The following NKAIN2 variants were observed in gnomAD, a reference collection of about 807,000 sequenced individuals.
NKAIN2 encodes the protein sodium/potassium-transporting ATPase subunit beta-1-interacting protein 2.
NKAIN2 carries 14 observed loss-of-function variants against 32.6 expected under a neutral mutation model. The ratio of observed to expected loss-of-function variants is 0.43; its 90% CI spans 0.28 to 0.67. NKAIN2 has a LOEUF of 0.67. NKAIN2 is among the 30% of genes least tolerant of loss of function. The pLI, the probability that NKAIN2 is intolerant of heterozygous loss-of-function variation, is 0.17. For synonymous variants in NKAIN2, 80 were observed against 87.2 expected, an observed-to-expected ratio of 0.92 and a Z score of 0.46; for missense variants, 198 against 258.3, an observed-to-expected ratio of 0.77 and a Z score of 1.60.
chr6:124,405,032 T>C (rs548285854), intron 3 of NKAIN2, among the ~76,000 whole-genome samples: 4 of 152,280 alleles, frequency 2.6e-5, no homozygotes, highest in African/African-American at 9.6e-5. Context: ...GCTGAGTGAA[T>C]GAATGCCGTG....
At chr6:124,700,778 T>A (rs1163686051) in intron 4 of NKAIN2, among the ~76,000 whole-genome samples, 1 of 151,800 alleles carries the variant, frequency 6.6e-6, no homozygotes, top group Non-Finnish European at 1.5e-5. Flanking sequence ...AGAAGCTCAT[T>A]TTCCAACCTC....
At chr6:124,563,883 T>G (rs565523601) in intron 3 of NKAIN2, among the ~76,000 whole-genome samples, 1 of 151,162 alleles carries the variant, frequency 6.6e-6, no homozygotes, top group East Asian at 1.9e-4. Context: ...GGACAGGGTG[T>G]ATCATCACAT....
At chr6:123,856,097 C>T (rs1454215257) in intron 1 of NKAIN2, among the ~76,000 whole-genome samples, 1 of 152,114 alleles carries the variant, frequency 6.6e-6, no homozygotes, top group Non-Finnish European at 1.5e-5. Context: ...CTTACTTTTT[C>T]ACTTATCATA....
At chr6:124,529,296 C>G (rs987134490) in intron 3 of NKAIN2, among the ~76,000 whole-genome samples, 2 of 152,070 alleles carry the variant, frequency 1.3e-5, no homozygotes, top group Non-Finnish European at 2.9e-5. Context: ...CGGGGCCCAC[C>G]CTGATGTAGG....
chr6:124,784,989 C>T (rs920597546), intron 4 of NKAIN2, among the ~76,000 whole-genome samples: 17 of 151,976 alleles, frequency 1.1e-4, no homozygotes, highest in Admixed American at 2.0e-4. Flanking sequence ...GCCAAATTTC[C>T]GAAGTTTTCA....
intron 1 of NKAIN2, among the ~76,000 whole-genome samples, chr6:123,995,400 T>C (rs946369182): frequency 1.7e-4 from 26 of 152,096 alleles, no homozygotes; most frequent in Admixed American, 1.2e-3. Context: ...ATGCTTTAAG[T>C]AAAAGTAGGA....
chr6:124,588,695 T>C (rs17052100), intron 3 of NKAIN2, among the ~76,000 whole-genome samples: 2,385 of 152,222 alleles, frequency 0.016, 67 homozygotes, highest in African/African-American at 0.053. Flanking sequence ...GTGCTACCAA[T>C]TGGGGATTGT....
chr6:124,043,762 A>G (rs1454079263), intron 1 of NKAIN2, among the ~76,000 whole-genome samples: 3 of 152,054 alleles, frequency 2.0e-5, no homozygotes, highest in Non-Finnish European at 4.4e-5. Flanking sequence ...TCTCAAATCT[A>G]TTTTGAACAT....
intron 3 of NKAIN2, among the ~76,000 whole-genome samples, chr6:124,545,666 T>C (rs893134686): frequency 2.0e-5 from 3 of 151,254 alleles, no homozygotes; most frequent in African/African-American, 7.3e-5. Flanking sequence ...AATATATATA[T>C]AATATTTATT....
intron 1 of NKAIN2, among the ~76,000 whole-genome samples, chr6:124,029,769 G>A (rs953673282): frequency 6.6e-6 from 1 of 152,146 alleles, no homozygotes; most frequent in South Asian, 2.1e-4. Flanking sequence ...AGGAGACCGA[G>A]CGAAGCTTTA....
intron 2 of NKAIN2, among the ~76,000 whole-genome samples, chr6:124,297,827 T>G (rs1277152862): frequency 3.3e-5 from 5 of 152,058 alleles, no homozygotes; most frequent in Non-Finnish European, 7.3e-5. Context: ...AAATCATTTC[T>G]TCTCTAAAAC....
intron 2 of NKAIN2, among the ~76,000 whole-genome samples, chr6:124,334,017 A>G (rs1473455558): frequency 1.3e-5 from 2 of 152,182 alleles, no homozygotes; most frequent in Non-Finnish European, 2.9e-5. Flanking sequence ...ATATTCCATG[A>G]TAATTTACTT....
chr6:124,635,057 GAGAA>G (rs1287098636), intron 3 of NKAIN2, among the ~76,000 whole-genome samples: 3 of 149,836 alleles, frequency 2.0e-5, no homozygotes, highest in Non-Finnish European at 4.5e-5. Flanking sequence ...GAAGGAAAGA[GAGAA>G]AGAAAGAGAA....
chr6:124,790,146 C>A (rs1779680901), intron 4 of NKAIN2, among the ~76,000 whole-genome samples: 3 of 152,096 alleles, frequency 2.0e-5, no homozygotes, highest in Admixed American at 2.0e-4. Context: ...CCAGAACGTG[C>A]TTTCTCTCTC....
intron 3 of NKAIN2, among the ~76,000 whole-genome samples, chr6:124,402,097 T>C (rs951444305): frequency 6.6e-6 from 1 of 152,168 alleles, no homozygotes; most frequent in African/African-American, 2.4e-5. Flanking sequence ...GTTGTGCTAC[T>C]AACATTTCGT....
intron 3 of NKAIN2, among the ~76,000 whole-genome samples, chr6:124,421,788 C>T (rs747320590): frequency 6.6e-6 from 1 of 152,180 alleles, no homozygotes; most frequent in Non-Finnish European, 1.5e-5. Context: ...TTCAAATTGA[C>T]TCACATTTCC....
chr6:124,101,547 A>T (rs938307790), intron 1 of NKAIN2, among the ~76,000 whole-genome samples: 5 of 151,928 alleles, frequency 3.3e-5, no homozygotes, highest in African/African-American at 1.2e-4. Context: ...TATTGTTATA[A>T]ATTTATTCTT....
chr6:124,252,654 A>C (rs926122887), intron 1 of NKAIN2, among the ~76,000 whole-genome samples: 2 of 152,174 alleles, frequency 1.3e-5, no homozygotes, highest in African/African-American at 4.8e-5. Context: ...CATTAGTTAA[A>C]GTATATTCCA....
At chr6:123,824,401 G>A (rs567926084) in intron 1 of NKAIN2, among the ~76,000 whole-genome samples, 4 of 152,180 alleles carry the variant, frequency 2.6e-5, no homozygotes, top group Admixed American at 2.6e-4. Context: ...GAGCTACACT[G>A]GTGGCAATAA....
Sources: gnomAD v4.1 joint callset for allele counts (sites outside exome capture counted in the v4.1 genomes callset) on GRCh38, gnomAD v4.1.1 for gene constraint, MANE v1.5 for transcripts, NCBI Gene and HGNC (gene_info 2026-07-23, HGNC 2026-07-21) for gene names.